CLEC2A: variants seen among roughly 807,000 people sequenced by gnomAD.
The protein encoded by CLEC2A is keratinocyte-associated C-type lectin.
In CLEC2A, 19 loss-of-function variants were observed where a neutral mutation model predicts 18.6. That is an observed-to-expected ratio of 1.02 (90% CI 0.71 to 1.50). The LOEUF (loss-of-function observed/expected upper bound fraction) is 1.50. Ranked by LOEUF, CLEC2A falls within the 40% of genes most tolerant of loss-of-function variation. The pLI, the probability that CLEC2A is intolerant of heterozygous loss-of-function variation, is 0.00. For synonymous variants in CLEC2A, 74 were observed against 64.0 expected, an observed-to-expected ratio of 1.16 and a Z score of -0.75; for missense variants, 190 against 207.9, an observed-to-expected ratio of 0.91 and a Z score of 0.53.
At chr12:9,877,965 C>G in the CLEC2A span, among the ~76,000 whole-genome samples, 1 of 152,068 alleles carries the variant, frequency 6.6e-6, no homozygotes, top group Non-Finnish European at 1.5e-5. Context: ...TGTCTAAACA[C>G]AATGAAAATC....
At chr12:9,903,139 T>C (rs997369200) in intron 4 of CLEC2A, among the ~76,000 whole-genome samples, 3 of 151,808 alleles carry the variant, frequency 2.0e-5, no homozygotes, top group African/African-American at 7.3e-5. Context: ...ATTAAACCCT[T>C]TGAAGAGGAA....
At chr12:9,882,820 A>G in the CLEC2A span, among the ~76,000 whole-genome samples, 9 of 152,156 alleles carry the variant, frequency 5.9e-5, no homozygotes, top group Non-Finnish European at 2.9e-5. Context: ...TAAAGCCCAC[A>G]GACTAAATGT....
At chr12:9,893,685 CTCT>C (rs1483280592), downstream of CLEC2A, 3 of 410,170 alleles carry the variant, frequency 7.3e-6, no homozygotes, top group African/African-American at 2.1e-5. Flanking sequence ...TTTTAGCTCT[CTCT>C]TTTCTTTCCT....
intron 4 of CLEC2A, among the ~76,000 whole-genome samples, chr12:9,905,151 T>A (rs986834141): frequency 6.6e-5 from 10 of 152,146 alleles, no homozygotes; most frequent in African/African-American, 2.4e-4. Flanking sequence ...TTTTTAGAGT[T>A]AGTTTGGTGA....
At chr12:9,912,363 G>T (rs1175008778), downstream of CLEC2A, among the ~76,000 whole-genome samples, 3 of 152,044 alleles carry the variant, frequency 2.0e-5, no homozygotes, top group Admixed American at 6.5e-5. Context: ...GACCCCACTT[G>T]CCTGTCCCTC....
At chr12:9,931,588 A>G (rs1312553927) in intron 1 of CLEC2A, among the ~76,000 whole-genome samples, 1 of 152,232 alleles carries the variant, frequency 6.6e-6, no homozygotes, top group Non-Finnish European at 1.5e-5. Context: ...TATTATTAAA[A>G]GAATTATCCC....
At chr12:9,921,556 C>T (rs1863173406) in intron 3 of CLEC2A, among the ~76,000 whole-genome samples, 1 of 152,118 alleles carries the variant, frequency 6.6e-6, no homozygotes, top group Non-Finnish European at 1.5e-5. Flanking sequence ...CACTGCACTC[C>T]AGCCTAGGTG....
downstream of CLEC2A, among the ~76,000 whole-genome samples, chr12:9,909,488 G>A (rs1187699966): frequency 1.3e-5 from 2 of 152,198 alleles, no homozygotes; most frequent in Non-Finnish European, 1.5e-5. Flanking sequence ...TGGGGTCCTA[G>A]AAATTGATCA....
At chr12:9,928,625 A>G (rs1863318623) in intron 1 of CLEC2A, among the ~76,000 whole-genome samples, 1 of 152,248 alleles carries the variant, frequency 6.6e-6, no homozygotes, top group Non-Finnish European at 1.5e-5. Context: ...GGTATCGAAA[A>G]TACTAAAAGG....
At chr12:9,882,454 G>T in the CLEC2A span, among the ~76,000 whole-genome samples, 1 of 152,066 alleles carries the variant, frequency 6.6e-6, no homozygotes, top group African/African-American at 2.4e-5. Flanking sequence ...TTACTTCCAT[G>T]CAGCAAAAAC....
At chr12:9,916,883 C>T in intron 3 of CLEC2A, 80 bp from the exon 4 acceptor site, 1 of 826,044 alleles carries the variant, frequency 1.2e-6, no homozygotes, top group Admixed American at 2.1e-5. Flanking sequence ...CCCAATTATT[C>T]TATCTTTTAG....
chr12:9,886,424 G>A, the CLEC2A span, among the ~76,000 whole-genome samples: 1 of 152,072 alleles, frequency 6.6e-6, no homozygotes, highest in Non-Finnish European at 1.5e-5. Context: ...AATGAAAAGT[G>A]GATAGCATAA....
the CLEC2A span, chr12:9,888,846 C>G: frequency 1.1e-6 from 1 of 934,364 alleles, no homozygotes; most frequent in Non-Finnish European, 1.7e-6. Context: ...TTCCCTCTTC[C>G]TGGCGTTCAC....
intron 4 of CLEC2A, among the ~76,000 whole-genome samples, chr12:9,900,583 C>A (rs955049644): frequency 6.6e-6 from 1 of 152,168 alleles, no homozygotes; most frequent in African/African-American, 2.4e-5. Flanking sequence ...TCAGATAAGA[C>A]CTTTTAAAGC....
chr12:9,885,017 G>A, the CLEC2A span: 6 of 1,289,366 alleles, frequency 4.7e-6, no homozygotes, highest in Non-Finnish European at 6.0e-6. Flanking sequence ...GACAGGGATT[G>A]ACCTGAAGTT....
downstream of CLEC2A, among the ~76,000 whole-genome samples, chr12:9,896,487 T>C (rs1862757211): frequency 6.6e-6 from 1 of 151,904 alleles, no homozygotes; most frequent in African/African-American, 2.4e-5. Flanking sequence ...TGCATGTAAA[T>C]TAAGAATTGA....
chr12:9,893,258 G>T, the CLEC2A span: 5,784 of 1,250,186 alleles, frequency 4.6e-3, 192 homozygotes, highest in African/African-American at 0.075. Context: ...GTTTATTGTC[G>T]TTGCTTCTGA....
the CLEC2A span, among the ~76,000 whole-genome samples, chr12:9,878,159 T>C: frequency 9.2e-5 from 14 of 152,052 alleles, no homozygotes; most frequent in Non-Finnish European, 1.8e-4. Context: ...GATAATCTGG[T>C]ATGGGTGTGG....
intron 1 of CLEC2A, among the ~76,000 whole-genome samples, chr12:9,927,860 T>G (rs1308474741): frequency 6.7e-6 from 1 of 149,550 alleles, no homozygotes; most frequent in Non-Finnish European, 1.5e-5. Flanking sequence ...TAGGGAGAAA[T>G]GAAGAACAAG....
Sources: allele counts gnomAD v4.1 joint callset (sites outside exome capture counted in the v4.1 genomes callset), GRCh38; gene constraint gnomAD v4.1.1; transcripts MANE v1.5; gene names NCBI Gene and HGNC (gene_info 2026-07-23, HGNC 2026-07-21).